The following HOOK2 variants were observed in gnomAD, a reference collection of about 807,000 sequenced individuals.
The protein encoded by HOOK2 is hook microtubule tethering protein 2.
HOOK2 carries 108 observed loss-of-function variants against 111.9 expected under a neutral mutation model. The ratio of observed to expected loss-of-function variants is 0.96; its 90% CI spans 0.83 to 1.13. HOOK2 has a LOEUF of 1.13. Among genes scored for constraint, HOOK2 ranks in the 50% most tolerant of loss-of-function variants. HOOK2 has a pLI of 0.00. For synonymous variants in HOOK2, 405 were observed against 394.3 expected, an observed-to-expected ratio of 1.03 and a Z score of -0.32; for missense variants, 978 against 951.3, an observed-to-expected ratio of 1.03 and a Z score of -0.37.
chr19:12,781,555 A>T (rs12983668), upstream of HOOK2, among the ~76,000 whole-genome samples: 156 of 152,020 alleles, frequency 1.0e-3, 2 homozygotes, highest in South Asian at 7.9e-3. Context: ...CTCGATCTCC[A>T]GACCTCCTGA....
chr19:12,770,235 CAG>C (rs1968277265), intron 10 of HOOK2, among the ~76,000 whole-genome samples, 153 bp from the exon 11 acceptor site: 1 of 151,962 alleles, frequency 6.6e-6, no homozygotes, highest in Non-Finnish European at 1.5e-5. Context: ...AGGGGTCAAT[CAG>C]GGCCTGGAGC....
Position 12,768,090 on chromosome 19 carries a change from C to A in HOOK2, c.1138G>T (p.Ala380Ser). Residue 380 changes from alanine to serine, a missense_variant, in exon 12 of 23, where the codon GCC becomes TCC. Physicochemically the swap from Ala to Ser is moderately conservative, Grantham distance 99 (BLOSUM62 1). Around this residue, in one of 5 missense-constraint regions of HOOK2, gnomAD observed 388 missense variants for 358.3 expected, o/e 1.08. Coordinates refer to ENST00000397668, the MANE Select transcript of HOOK2 (RefSeq NM_013312.3). Reference protein sequence around the residue: ...QELQGQRQEEAMKAEKWLFEC... With the variant: ...QELQGQRQEESMKAEKWLFEC... ...AATAGCCATTTCTCGGCCTTCATGG[C>A]CTCCTCCTGCCGCTGGCCCTGCAGT... 6.2e-7 allele frequency: 1 copy of A among 1,614,192 alleles called. No homozygotes were observed. The highest frequency in any genetic ancestry group is 1.1e-5 in the South Asian group (1 of 91,092).
At chr19:12,769,264 C>A (rs756568451) in intron 11 of HOOK2, among the ~76,000 whole-genome samples, 3 of 152,070 alleles carry the variant, frequency 2.0e-5, no homozygotes, top group Non-Finnish European at 4.4e-5. Flanking sequence ...CACGCCCAGA[C>A]TAATTTTTCT....
chr19:12,772,286 G>A, intron 6 of HOOK2, 34 bp from the exon 7 acceptor site: 1 of 1,604,448 alleles, frequency 6.2e-7, no homozygotes, highest in South Asian at 1.1e-5. Context: ...TAATGAACTG[G>A]ATATCTGAGG....
At chr19:12,766,626 C>G (rs577843201) in intron 14 of HOOK2, 1 of 199,356 alleles carries the variant, frequency 5.0e-6, no homozygotes, top group Non-Finnish European at 1.0e-5. Flanking sequence ...CTCTGTCGCC[C>G]AGGCTGGAAT....
rs534259244 is a variant in HOOK2 at position 12,763,341 on chromosome 19, G to A, written c.2101C>T (p.Arg701Cys). The change falls in exon 23 of 23, where the codon CGC becomes TGC. Residue 701 changes from arginine (R) to cysteine (C), a missense_variant. This residue lies in a region of HOOK2 where 277 missense variants were observed against 265.8 expected (regional missense o/e 1.04). Coordinates refer to ENST00000397668, the MANE Select transcript of HOOK2 (RefSeq NM_013312.3). Reference sequence around the variant, plus strand: ...GCCAGGCGTCCCAAGGGTCCACGGCGAGAATTGGTTGCCAGCCGCTGCTGT... The same window carrying A: ...GCCAGGCGTCCCAAGGGTCCACGGCAAGAATTGGTTGCCAGCCGCTGCTGT... ...LAQQRLATNS[R>C]RGPLGRLASL... The A allele has an allele frequency of 6.1e-4, 983 of 1,614,158 alleles. 11 individuals carry two copies. In the South Asian group the frequency reaches 9.8e-3, roughly 16 times the overall value.
intron 14 of HOOK2, among the ~76,000 whole-genome samples, chr19:12,766,838 C>T (rs1454650484): frequency 6.6e-6 from 1 of 152,210 alleles, no homozygotes; most frequent in Non-Finnish European, 1.5e-5. Flanking sequence ...TCGCCTTGGC[C>T]TCCCGAAGTG....
intron 6 of HOOK2, 89 bp from the exon 7 acceptor site, chr19:12,772,341 C>T: frequency 3.5e-6 from 5 of 1,431,840 alleles, no homozygotes; most frequent in Non-Finnish European, 4.9e-6. Flanking sequence ...ACCTCTCCAT[C>T]CTCCCGTCAA....
At chr19:12,782,434 A>T (rs1394538718), upstream of HOOK2, among the ~76,000 whole-genome samples, 1 of 152,220 alleles carries the variant, frequency 6.6e-6, no homozygotes, top group African/African-American at 2.4e-5. Context: ...TGGGAGTCAA[A>T]GTCACAGAGG....
chr19:12,764,616 C>A (rs951169810), intron 20 of HOOK2, 198 bp downstream of exon 20: 1 of 604,072 alleles, frequency 1.7e-6, no homozygotes, highest in South Asian at 2.0e-5. Context: ...CCATGAGCCA[C>A]GGCACCCAGC....
In HOOK2 at chr19:12,772,919, A is replaced by C; in HGVS notation, c.256-7T>G. On this transcript the variant is annotated splice_region_variant and splice_polypyrimidine_tract_variant and intron_variant, in intron 4 of 22. Transcript: ENST00000397668. Reference sequence around the variant, plus strand: ...ACACAGGATGCGCCAGGACCTGGGGAGAAGGGGGTGTCAGGGGCTCATGGG... The same window carrying C: ...ACACAGGATGCGCCAGGACCTGGGGCGAAGGGGGTGTCAGGGGCTCATGGG... 1.2e-6 allele frequency: 2 copies of C among 1,614,188 alleles called. No homozygotes were observed. The highest frequency in any genetic ancestry group is 1.7e-6 in the Non-Finnish European group (2 of 1,180,018).
In HOOK2 at chr19:12,766,234, C is replaced by T. The variant is rs1191951833; in HGVS notation, c.1380G>A (p.Thr460=). Residue 460 remains threonine (T), a synonymous_variant, in exon 15 of 23, where the codon ACG becomes ACA. Coordinates refer to ENST00000397668, the MANE Select transcript of HOOK2 (RefSeq NM_013312.3). ...TGTTCTCCAGCTGAAGCCGCAGGAGCGTCTCCCTGCAGACCCGGGAGGAGA... is the reference window on the plus strand; with the variant it reads ...TGTTCTCCAGCTGAAGCCGCAGGAGTGTCTCCCTGCAGACCCGGGAGGAGA... ...AEILPAELRE[T]LLRLQLENKR... The T allele has an allele frequency of 3.8e-6, 6 of 1,578,524 alleles. No homozygotes were observed. The East Asian group carries it at 1.1e-4, about 30-fold the overall frequency.
At chr19:12,774,625 A>G (rs1968438360) in intron 3 of HOOK2, 44 bp downstream of exon 3, 2 of 1,600,464 alleles carry the variant, frequency 1.2e-6, no homozygotes, top group Non-Finnish European at 1.7e-6. Context: ...GTCCCTGGTC[A>G]TCTCTTCACC....
intron 11 of HOOK2, among the ~76,000 whole-genome samples, chr19:12,769,270 T>C (rs1251203253): frequency 6.6e-6 from 1 of 150,914 alleles, no homozygotes; most frequent in African/African-American, 2.4e-5. Flanking sequence ...CAGACTAATT[T>C]TTCTATTTTT....
chr19:12,780,505 C>A (rs1035030056), upstream of HOOK2, among the ~76,000 whole-genome samples: 1 of 150,968 alleles, frequency 6.6e-6, no homozygotes, highest in Admixed American at 6.6e-5. Context: ...TACAGGCGCC[C>A]GCCACCAGGT....
chr19:12,763,162 A>C lies in HOOK2; in HGVS notation c.*120T>G. ...CCTCCCCACCAATCTGGGAGAGGGA[A>C]GAGCAGAGATCATGGCCTCAAAGCT... On this transcript the variant is annotated 3_prime_UTR_variant, in exon 23 of 23. Coordinates refer to ENST00000397668, the MANE Select transcript of HOOK2 (RefSeq NM_013312.3). The C allele has an allele frequency of 1.0e-6, 1 of 976,358 alleles. No individual in the cohort carries two copies. Among genetic ancestry groups the C allele is most frequent in the Non-Finnish European group, 1.5e-6 (1 of 652,262 alleles). 60.5% of individuals were successfully genotyped at this position (976,358 alleles called of 1,614,324 possible). A position where few individuals can be genotyped will look rare whatever the true frequency, so the allele number is the denominator to read the frequency against.
At chr19:12,789,490 G>A (rs1159362521) in intron 3 of HOOK2, among the ~76,000 whole-genome samples, 4 of 152,188 alleles carry the variant, frequency 2.6e-5, no homozygotes, top group African/African-American at 4.8e-5. Flanking sequence ...GATGGGACCT[G>A]CAGACTAAAA....
intron 8 of HOOK2, 35 bp downstream of exon 8, chr19:12,771,362 C>T (rs1196955277): frequency 1.2e-6 from 2 of 1,608,884 alleles, no homozygotes; most frequent in East Asian, 2.2e-5. Context: ...TGGAGAGGGG[C>T]TACTCAAGTG....
Position 12,763,533 on chromosome 19 carries a change from T to G in HOOK2, c.2005A>C (p.Asn669His). 1 of 1,614,196 alleles carries G rather than the reference T, an allele frequency of 6.2e-7. No homozygotes were observed. ...AGCCCAGACCCCACACTTACCATAT[T>G]ATACCAGGCACTGATGAGCAGCTTT... ...EEKLLISAWY[N>H]MGMALQQRAG... Residue 669 changes from asparagine to histidine, a missense_variant, in exon 22 of 23, where the codon AAT becomes CAT. Physicochemically the swap from Asn to His is moderately conservative, Grantham distance 68. Transcript: ENST00000397668.
Sources: allele counts gnomAD v4.1 joint callset (sites outside exome capture counted in the v4.1 genomes callset), GRCh38; gene constraint gnomAD v4.1.1; regional missense constraint gnomAD v4.1.1; transcripts MANE v1.5; gene names NCBI Gene and HGNC (gene_info 2026-07-23, HGNC 2026-07-21).